The following FRMD4B variants were observed in gnomAD, a reference collection of about 807,000 sequenced individuals.
FRMD4B encodes the protein FERM domain-containing protein 4B.
In FRMD4B, 74 loss-of-function variants were observed where a neutral mutation model predicts 141.5. The ratio of observed to expected loss-of-function variants is 0.52; its 90% CI spans 0.43 to 0.63. The LOEUF (loss-of-function observed/expected upper bound fraction) is 0.63. Ranked by LOEUF, FRMD4B falls within the 30% of genes least tolerant of loss-of-function variation. FRMD4B has a pLI of 0.00. For missense variants in FRMD4B, 1,366 were observed against 1,253.4 expected (o/e 1.09, Z -1.36); for synonymous variants, 506 against 467.9 (o/e 1.08, Z -1.05).
chr3:69,420,355 T>G (rs1415326437), intron 2 of FRMD4B, among the ~76,000 whole-genome samples: 1 of 150,698 alleles, frequency 6.6e-6, no homozygotes, highest in Non-Finnish European at 1.5e-5. Context: ...ATCATATGTC[T>G]CAGGTGCCAT....
chr3:69,225,650 A>G (rs1402562117), intron 7 of FRMD4B, among the ~76,000 whole-genome samples: 11 of 135,776 alleles, frequency 8.1e-5, no homozygotes, highest in East Asian at 4.5e-4. Context: ...AGCCGAGATC[A>G]CGCCACTGCA....
rs551640896 is a variant in FRMD4B at position 69,323,506 on chromosome 3, A to T, written c.163-9989T>A. Among the ~76,000 whole-genome samples, 12 of 151,528 alleles carry T rather than the reference A, an allele frequency of 7.9e-5. 1 individual carries two copies. The South Asian group carries it at 2.3e-3, about 29-fold the overall frequency. On this transcript the variant is annotated intron_variant, in intron 1 of 22. Transcript: ENST00000398540. ...CTTGAACCCAGTGGGTGGAGGTTGC[A>T]GTGAGCTGAGGTCGCACCACTGCAC...
intron 1 of FRMD4B, among the ~76,000 whole-genome samples, chr3:69,359,326 G>A (rs1478210874): frequency 6.6e-6 from 1 of 152,134 alleles, no homozygotes; most frequent in African/African-American, 2.4e-5. Flanking sequence ...TTGGTTTCAG[G>A]ACCATTTCTG....
intron 1 of FRMD4B, chr3:69,322,876 T>C (rs1192717929): frequency 1.5e-5 from 3 of 196,772 alleles, no homozygotes; most frequent in East Asian, 1.9e-4. Flanking sequence ...GATGGGGTTA[T>C]GGGCATGAGA....
chr3:69,413,330 C>G (rs780835446), intron 2 of FRMD4B, among the ~76,000 whole-genome samples: 1 of 152,088 alleles, frequency 6.6e-6, no homozygotes, highest in African/African-American at 2.4e-5. Flanking sequence ...GTTAAAGAAA[C>G]GAGGCACAGA....
chr3:69,228,006 C>T (rs187254744), intron 7 of FRMD4B, among the ~76,000 whole-genome samples: 29 of 152,248 alleles, frequency 1.9e-4, no homozygotes, highest in South Asian at 1.4e-3. Flanking sequence ...TTAAGAAAAA[C>T]GAAGAAAGAA....
Position 69,169,861 on chromosome 3 carries a change from T to C in FRMD4B, c.*2000A>G, listed in dbSNP as rs1230225362. The C allele has an allele frequency of 6.6e-6, 1 of 152,222 alleles. No homozygotes were observed. The highest frequency in any genetic ancestry group is 1.5e-5 in the Non-Finnish European group (1 of 68,038). The allele number at this position is 152,222 out of a possible 1,614,324, so 9.4% of individuals were successfully genotyped here. ...AAAGGATGTCAGAGAACTAATTTCT[T>C]GAATTTAGAAGACCTGTTTGCCAGT... On this transcript the variant is annotated 3_prime_UTR_variant, in exon 23 of 23. Coordinates refer to ENST00000398540, the MANE Select transcript of FRMD4B (RefSeq NM_015123.3).
intron 19 of FRMD4B, among the ~76,000 whole-genome samples, chr3:69,183,628 G>A (rs112029018): frequency 0.035 from 5,236 of 151,430 alleles, 254 homozygotes; most frequent in African/African-American, 0.11. Flanking sequence ...GACCACAGGC[G>A]CCCACCACCA....
intron 2 of FRMD4B, among the ~76,000 whole-genome samples, chr3:69,406,606 C>T (rs1575790659): frequency 6.6e-6 from 1 of 152,238 alleles, no homozygotes; most frequent in African/African-American, 2.4e-5. Context: ...CTATCATCTC[C>T]TCCTCAAAGG....
intron 1 of FRMD4B, among the ~76,000 whole-genome samples, chr3:69,528,844 A>G (rs115117961): frequency 3.1e-3 from 477 of 152,052 alleles, no homozygotes; most frequent in Non-Finnish European, 5.5e-3. Context: ...ACCTATCACC[A>G]TGGTGATACT....
At chr3:69,219,813 C>T (rs2093176979) in intron 9 of FRMD4B, among the ~76,000 whole-genome samples, 1 of 152,146 alleles carries the variant, frequency 6.6e-6, no homozygotes, top group Non-Finnish European at 1.5e-5. Flanking sequence ...TGTTGTTCTC[C>T]TCCCTGTCTC....
chr3:69,467,998 T>G (rs1413042853), intron 1 of FRMD4B, among the ~76,000 whole-genome samples: 1 of 152,150 alleles, frequency 6.6e-6, no homozygotes, highest in Non-Finnish European at 1.5e-5. Context: ...GCAAATAAAT[T>G]CTTCTGTTGG....
chr3:69,379,464 A>G (rs1704058010), intron 1 of FRMD4B, among the ~76,000 whole-genome samples: 1 of 152,140 alleles, frequency 6.6e-6, no homozygotes, highest in South Asian at 2.1e-4. Flanking sequence ...TTTTTTGTAC[A>G]GGTGGGGTTT....
intron 7 of FRMD4B, among the ~76,000 whole-genome samples, chr3:69,239,684 G>A (rs925555199): frequency 6.6e-6 from 1 of 152,146 alleles, no homozygotes. Flanking sequence ...TGGACTGCGG[G>A]AGGAGTGAAT....
At chr3:69,442,556 G>A (rs1459595082) in intron 1 of FRMD4B, among the ~76,000 whole-genome samples, 1 of 151,968 alleles carries the variant, frequency 6.6e-6, no homozygotes, top group African/African-American at 2.4e-5. Context: ...AACCACTTAT[G>A]AGAAATACTC....
At chr3:69,324,541 C>G (rs1018546664) in intron 1 of FRMD4B, among the ~76,000 whole-genome samples, 1 of 152,198 alleles carries the variant, frequency 6.6e-6, no homozygotes, top group Non-Finnish European at 1.5e-5. Context: ...GCATCCCTGA[C>G]CTCTACCCAC....
chr3:69,339,939 A>T (rs747600218), intron 1 of FRMD4B, among the ~76,000 whole-genome samples: 55 of 151,156 alleles, frequency 3.6e-4, no homozygotes, highest in Non-Finnish European at 2.9e-4. Flanking sequence ...TCAGAAAAAA[A>T]CTCCCATCCC....
At chr3:69,389,032 C>CTT (rs34005688), upstream of FRMD4B, among the ~76,000 whole-genome samples, 18 of 108,748 alleles carry the variant, frequency 1.7e-4, no homozygotes, top group East Asian at 5.5e-4. Flanking sequence ...TCTTAGTCTA[C>CTT]TTTTTTTTTT....
At chr3:69,244,023 C>T (rs1044610135) in intron 7 of FRMD4B, among the ~76,000 whole-genome samples, 11 of 151,978 alleles carry the variant, frequency 7.2e-5, no homozygotes, top group East Asian at 1.9e-4. Context: ...CTAGCCTGGG[C>T]GACAGAGTGA....
Sources: allele counts gnomAD v4.1 joint callset (sites outside exome capture counted in the v4.1 genomes callset), GRCh38; gene constraint gnomAD v4.1.1; transcripts MANE v1.5; gene names NCBI Gene and HGNC (gene_info 2026-07-23, HGNC 2026-07-21).